Variants in MTSS1 observed in about 807,000 individuals in gnomAD.
MTSS1 encodes the protein MTSS I-BAR domain containing 1, also known as protein MTSS 1.
Under a neutral mutation model 79.0 loss-of-function variants are expected in MTSS1, and 18 were observed. That is an observed-to-expected ratio of 0.23 (90% confidence interval 0.16 to 0.34). The LOEUF is 0.34. Ranked by LOEUF, MTSS1 falls within the 10% of genes least tolerant of loss-of-function variation. The probability of loss-of-function intolerance (pLI) is 1.00; values close to 1 mark genes in which losing one functional copy is unlikely to be tolerated. For synonymous variants in MTSS1, 341 were observed against 368.6 expected, an observed-to-expected ratio of 0.93 and a Z score of 0.86; for missense variants, 815 against 986.2, an observed-to-expected ratio of 0.83 and a Z score of 2.33.
intron 3 of MTSS1, among the ~76,000 whole-genome samples, chr8:124,655,924 G>A (rs957843010): frequency 6.6e-6 from 1 of 152,120 alleles, no homozygotes; most frequent in Non-Finnish European, 1.5e-5. Flanking sequence ...AACAGAAGCT[G>A]GAAAGATGTG....
chr8:124,717,947 G>A (rs537015846), intron 1 of MTSS1, among the ~76,000 whole-genome samples: 40 of 152,234 alleles, frequency 2.6e-4, no homozygotes, highest in African/African-American at 9.2e-4. Flanking sequence ...ATTAATTAGA[G>A]AAATACAAAG....
rs1822488883 is a variant in MTSS1 at position 124,551,341 on chromosome 8, A to AAAT, written c.*1648_*1650dup. 4 of 152,504 alleles carry AAAT rather than the reference A, an allele frequency of 2.6e-5. No homozygotes were observed. The South Asian group carries it at 8.3e-4, about 32-fold the overall frequency. The allele number at this position is 152,504 out of a possible 1,614,324, so 9.4% of individuals were successfully genotyped here. A position where few individuals can be genotyped will look rare whatever the true frequency, so the allele number is the denominator to read the frequency against. On this transcript the variant is annotated 3_prime_UTR_variant, in exon 14 of 14. Coordinates refer to ENST00000518547, the MANE Select transcript of MTSS1 (RefSeq NM_014751.6). ...GCTTGTTTTTCAAAGAAAAAAGCTT[A>AAAT]AATAGTTTCTAATAATCATGCCTTT...
intron 3 of MTSS1, among the ~76,000 whole-genome samples, chr8:124,629,612 C>T (rs1201599569): frequency 6.6e-6 from 1 of 152,096 alleles, no homozygotes; most frequent in Non-Finnish European, 1.5e-5. Context: ...TGACCTCTCC[C>T]TAAAACAGAC....
chr8:124,565,859 G>T (rs1013516309), intron 8 of MTSS1, 100 bp from the exon 9 acceptor site: 4 of 998,650 alleles, frequency 4.0e-6, no homozygotes, highest in East Asian at 2.6e-5. Flanking sequence ...CTGCCATCGT[G>T]GGGGTGGGAA....
At chr8:124,658,490 C>T (rs1380754006) in intron 3 of MTSS1, among the ~76,000 whole-genome samples, 1 of 152,050 alleles carries the variant, frequency 6.6e-6, no homozygotes, top group Non-Finnish European at 1.5e-5. Flanking sequence ...TTATCAGCAG[C>T]ATGAAAATGG....
intron 3 of MTSS1, among the ~76,000 whole-genome samples, chr8:124,614,716 T>C (rs751499667): frequency 6.6e-6 from 1 of 152,194 alleles, no homozygotes; most frequent in Admixed American, 6.5e-5. Context: ...AATGTTTCTA[T>C]AGGAAAGAAG....
Position 124,589,637 on chromosome 8 carries a change from T to A in MTSS1, c.368A>T (p.Asp123Val), listed in dbSNP as rs376285752. The A allele has an allele frequency of 6.2e-7, 1 of 1,613,474 alleles. No individual in the cohort carries two copies. The highest frequency in any genetic ancestry group is 1.3e-5 in the African/African-American group (1 of 74,900). The part of the protein sequence containing the change: ...EEWKKVANQL[D>V]KDHAKEYKKA... ...CCCTGTACCTTTTGCGTGGTCTTTATCCAGCTGGTTGGCCACTTTCTTCCA... is the reference window on the plus strand; with the variant it reads ...CCCTGTACCTTTTGCGTGGTCTTTAACCAGCTGGTTGGCCACTTTCTTCCA... The change falls in exon 5 of 14, where the codon GAT (aspartate) becomes GTT (valine). Residue 123 changes from aspartate (D) to valine (V), a missense_variant. Coordinates refer to ENST00000518547, the MANE Select transcript of MTSS1 (RefSeq NM_014751.6).
chr8:124,613,902 C>T (rs889472051), intron 3 of MTSS1, among the ~76,000 whole-genome samples: 3 of 152,216 alleles, frequency 2.0e-5, no homozygotes, highest in African/African-American at 7.2e-5. Flanking sequence ...GGCACAGTGG[C>T]TGTCATCCTA....
At chr8:124,595,775 A>C (rs972295789) in intron 3 of MTSS1, among the ~76,000 whole-genome samples, 1 of 152,144 alleles carries the variant, frequency 6.6e-6, no homozygotes, top group African/African-American at 2.4e-5. Flanking sequence ...CATTAAAAAA[A>C]GGTAAGAGTT....
chr8:124,684,547 C>G (rs560883126), intron 3 of MTSS1, among the ~76,000 whole-genome samples: 1 of 152,158 alleles, frequency 6.6e-6, no homozygotes, highest in Non-Finnish European at 1.5e-5. Context: ...CTCATAAAAG[C>G]AGCAGTAATT....
At chr8:124,607,501 AC>A (rs1167645528) in intron 3 of MTSS1, among the ~76,000 whole-genome samples, 1 of 152,228 alleles carries the variant, frequency 6.6e-6, no homozygotes, top group East Asian at 1.9e-4. Flanking sequence ...TGAAATTCTA[AC>A]CCCGGAATAG....
At chr8:124,612,717 C>T (rs1257002166) in intron 3 of MTSS1, among the ~76,000 whole-genome samples, 3 of 151,186 alleles carry the variant, frequency 2.0e-5, no homozygotes, top group Non-Finnish European at 2.9e-5. Flanking sequence ...CATCACCAGG[C>T]AATACTAGGT....
intron 3 of MTSS1, among the ~76,000 whole-genome samples, chr8:124,674,165 C>T (rs927721651): frequency 2.0e-5 from 3 of 152,108 alleles, no homozygotes; most frequent in Non-Finnish European, 2.9e-5. Flanking sequence ...GAGCCTCACT[C>T]GGTCGCCCAG....
chr8:124,563,882 A>G (rs889772246), intron 9 of MTSS1, among the ~76,000 whole-genome samples: 2 of 152,200 alleles, frequency 1.3e-5, no homozygotes, highest in Non-Finnish European at 2.9e-5. Context: ...TGTAATCCCA[A>G]CACTTCAGAA....
intron 3 of MTSS1, among the ~76,000 whole-genome samples, chr8:124,623,831 G>C (rs944060003): frequency 6.6e-6 from 1 of 152,168 alleles, no homozygotes; most frequent in Non-Finnish European, 1.5e-5. Flanking sequence ...GTAGAGACCG[G>C]GTTTCACTAT....
At chr8:124,607,673 C>T (rs1225036460) in intron 3 of MTSS1, among the ~76,000 whole-genome samples, 1 of 152,154 alleles carries the variant, frequency 6.6e-6, no homozygotes, top group Non-Finnish European at 1.5e-5. Flanking sequence ...AAGGGCATAA[C>T]TGGTTTTAGT....
chr8:124,683,031 C>A lies in MTSS1; in HGVS notation c.208+16495G>T, dbSNP rs3116119. Among the ~76,000 whole-genome samples, 2 of 152,146 alleles carry A rather than the reference C, an allele frequency of 1.3e-5. No individual in the cohort carries two copies. Among genetic ancestry groups the A allele is most frequent in the African/African-American group, 2.4e-5 (1 of 41,422 alleles). Reference sequence around the variant, plus strand: ...CCAGTCTATGACCTTTTCAGACCATCTTGGTTCCTCTCCTGATGTTTCCTA... The same window carrying A: ...CCAGTCTATGACCTTTTCAGACCATATTGGTTCCTCTCCTGATGTTTCCTA... On this transcript the variant is annotated intron_variant, in intron 3 of 13. Transcript: ENST00000518547. This position sits in a 1 kb window ranked among gnomAD's most constrained non-coding sequence, Gnocchi z 4.5.
intron 3 of MTSS1, among the ~76,000 whole-genome samples, chr8:124,693,474 G>A (rs1828283501): frequency 6.6e-6 from 1 of 152,130 alleles, no homozygotes; most frequent in African/African-American, 2.4e-5. Flanking sequence ...GCCAGATCTG[G>A]AGACCATGGC....
chr8:124,573,232 G>C (rs1396433003), intron 6 of MTSS1, among the ~76,000 whole-genome samples: 1 of 152,084 alleles, frequency 6.6e-6, no homozygotes, highest in Non-Finnish European at 1.5e-5. Context: ...CATCCTCCAG[G>C]GCCTGGGCCC....
Sources: gnomAD v4.1 joint callset for allele counts (sites outside exome capture counted in the v4.1 genomes callset) on GRCh38, gnomAD v4.1.1 for gene constraint, Gnocchi (gnomAD v3.1) non-coding constraint, MANE v1.5 for transcripts, NCBI Gene and HGNC (gene_info 2026-07-23, HGNC 2026-07-21) for gene names.